Variants in ARMC3 observed in about 807,000 individuals in gnomAD.
ARMC3 encodes armadillo repeat containing 3.
ARMC3 carries 74 observed loss-of-function variants against 90.3 expected under a neutral mutation model. The observed-to-expected ratio is 0.82, with a 90% CI of 0.68 to 0.99. The LOEUF is 0.99. Among genes scored for constraint, ARMC3 ranks in the 50% least tolerant of loss-of-function variants. The probability of loss-of-function intolerance (pLI) is 0.00; values close to 1 mark genes in which losing one functional copy is unlikely to be tolerated. For synonymous variants in ARMC3, 334 were observed against 361.8 expected, an observed-to-expected ratio of 0.92 and a Z score of 0.87; for missense variants, 958 against 1,042.8, an observed-to-expected ratio of 0.92 and a Z score of 1.12.
At chr10:22,947,916 A>G (rs762253710) in intron 3 of ARMC3, among the ~76,000 whole-genome samples, 2 of 151,654 alleles carry the variant, frequency 1.3e-5, no homozygotes, top group African/African-American at 2.4e-5. Flanking sequence ...TTTAGTCTTC[A>G]TATTATTACA....
In ARMC3 at chr10:22,951,929, G is replaced by A. The variant is rs1588833779; in HGVS notation, c.167-3878G>A. On this transcript the variant is annotated intron_variant, in intron 3 of 18. Coordinates refer to ENST00000298032, the MANE Select transcript of ARMC3 (RefSeq NM_173081.5). The stretch of plus-strand genomic sequence containing the variant: ...GCAGATCATGAGGTCAGGAGACTGA[G>A]ACCATACTAGCCAACATGGTGAAAC... Among the ~76,000 whole-genome samples the A allele has an allele frequency of 3.3e-5, 5 of 152,236 alleles. No homozygotes were observed. In the East Asian group the frequency reaches 7.7e-4, roughly 24 times the overall value.
At chr10:22,946,328 C>T in intron 3 of ARMC3, 67 bp downstream of exon 3, 3 of 1,070,266 alleles carry the variant, frequency 2.8e-6, no homozygotes, top group South Asian at 2.8e-5. Flanking sequence ...ACCTCTTGGG[C>T]ACTTTTCTTC....
intron 6 of ARMC3, chr10:22,960,915 C>T (rs926329865): frequency 6.6e-6 from 1 of 152,414 alleles, no homozygotes; most frequent in Non-Finnish European, 1.5e-5. Flanking sequence ...CAAGCTCTCC[C>T]TCTGTTGTCT....
intron 3 of ARMC3, among the ~76,000 whole-genome samples, chr10:22,950,609 G>A (rs1834706759): frequency 6.6e-6 from 1 of 151,932 alleles, no homozygotes; most frequent in Non-Finnish European, 1.5e-5. Flanking sequence ...AAAACGAGAT[G>A]GTGGATTTAA....
intron 16 of ARMC3, among the ~76,000 whole-genome samples, chr10:23,020,723 G>C (rs1838475868): frequency 6.6e-6 from 1 of 151,994 alleles, no homozygotes; most frequent in South Asian, 2.1e-4. Context: ...GTGCTTATTT[G>C]CCATCTTTAT....
chr10:23,008,719 G>A (rs1837763720), intron 15 of ARMC3, 96 bp from the exon 16 acceptor site: 1 of 979,390 alleles, frequency 1.0e-6, no homozygotes, highest in Admixed American at 2.4e-5. Flanking sequence ...ATTGTATAAT[G>A]AAGTAAAAAT....
At position 22,954,576 on chromosome 10, in the gene ARMC3, G is replaced by A. The variant is rs113906763; in HGVS notation, c.167-1231G>A. Among the ~76,000 whole-genome samples, 255 of 151,576 alleles carry A rather than the reference G, an allele frequency of 1.7e-3. 2 individuals carry two copies. Among genetic ancestry groups the A allele is most frequent in the Middle Eastern group, 6.8e-3 (2 of 294 alleles). On this transcript the variant is annotated intron_variant, in intron 3 of 18. Coordinates refer to ENST00000298032, the MANE Select transcript of ARMC3 (RefSeq NM_173081.5). ...AGTCCCAGCTACTCAGAAGACTGAGGTGAGAGAATCGCTTGAGCCGAGGAG... is the reference window on the plus strand; with the variant it reads ...AGTCCCAGCTACTCAGAAGACTGAGATGAGAGAATCGCTTGAGCCGAGGAG...
intron 10 of ARMC3, among the ~76,000 whole-genome samples, chr10:22,984,276 C>T (rs1056388075): frequency 3.3e-5 from 5 of 152,142 alleles, no homozygotes; most frequent in Non-Finnish European, 5.9e-5. Context: ...ATTGGAGGCT[C>T]ATTTCATGCA....
intron 18 of ARMC3, among the ~76,000 whole-genome samples, chr10:23,033,845 G>A (rs1354567197): frequency 1.3e-5 from 2 of 152,106 alleles, no homozygotes; most frequent in African/African-American, 2.4e-5. Context: ...AGAACAAAAC[G>A]ATTTCTGGGC....
At chr10:23,013,493 AATT>A (rs1333253806) in intron 16 of ARMC3, among the ~76,000 whole-genome samples, 2 of 152,162 alleles carry the variant, frequency 1.3e-5, no homozygotes, top group African/African-American at 2.4e-5. Context: ...TTGACAAATG[AATT>A]ATTATGTACA....
chr10:22,976,521 G>C (rs1039489635), intron 8 of ARMC3, among the ~76,000 whole-genome samples: 2 of 152,098 alleles, frequency 1.3e-5, no homozygotes, highest in Non-Finnish European at 2.9e-5. Flanking sequence ...CCTCTCTCCT[G>C]ATTGTTCTTC....
intron 2 of ARMC3, among the ~76,000 whole-genome samples, chr10:22,941,497 A>G (rs1371191997): frequency 1.3e-5 from 2 of 152,204 alleles, no homozygotes; most frequent in African/African-American, 4.8e-5. Flanking sequence ...GAATGTGTCC[A>G]TTCTGTGAGA....
intron 2 of ARMC3, among the ~76,000 whole-genome samples, chr10:22,939,227 T>C (rs910879320): frequency 4.6e-5 from 7 of 152,298 alleles, no homozygotes; most frequent in African/African-American, 1.7e-4. Flanking sequence ...GAGGATTAGG[T>C]GGCTGCAGTT....
rs149385926 is a variant in ARMC3, at chr10:22,953,145, C to T, written c.167-2662C>T. On this transcript the variant is annotated intron_variant, in intron 3 of 18. Coordinates refer to ENST00000298032, the MANE Select transcript of ARMC3 (RefSeq NM_173081.5). ...ATTGGAGAAGACATGATGGTGGACA[C>T]AGAGGTCAGAAGGGCGTGATTTCTG... Among the ~76,000 whole-genome samples, 498 of 152,208 alleles carry T rather than the reference C, an allele frequency of 3.3e-3. 3 individuals carry two copies. Among genetic ancestry groups the T allele is most frequent in the Non-Finnish European group, 5.3e-3 (363 of 68,020 alleles).
intron 10 of ARMC3, among the ~76,000 whole-genome samples, chr10:22,990,630 G>A (rs749891953): frequency 3.3e-5 from 5 of 152,174 alleles, no homozygotes; most frequent in African/African-American, 7.2e-5. Flanking sequence ...TGCAGATGAG[G>A]AAACCAAGGC....
At chr10:23,031,028 A>G (rs1207754371) in intron 17 of ARMC3, 1 of 453,246 alleles carries the variant, frequency 2.2e-6, no homozygotes. Context: ...AATGCCTGTC[A>G]TTTTCTTCAG....
chr10:23,011,131 C>G (rs1206994908), intron 16 of ARMC3, among the ~76,000 whole-genome samples: 3 of 152,004 alleles, frequency 2.0e-5, no homozygotes, highest in Non-Finnish European at 2.9e-5. Flanking sequence ...GGACTAAAAG[C>G]TCCTCAAGAA....
At chr10:23,033,161 GTATA>G (rs1838984896) in intron 18 of ARMC3, 138 bp downstream of exon 18, 2 of 773,904 alleles carry the variant, frequency 2.6e-6, no homozygotes, top group Non-Finnish European at 4.0e-6. Flanking sequence ...ACATATAAGT[GTATA>G]TATACTTATA....
intron 2 of ARMC3, among the ~76,000 whole-genome samples, chr10:22,933,372 G>A (rs542023599): frequency 1.2e-4 from 19 of 152,042 alleles, no homozygotes; most frequent in African/African-American, 3.6e-4. Context: ...TTAGAATTAC[G>A]GGGCTAATAA....
Sources: gnomAD v4.1 joint callset for allele counts (sites outside exome capture counted in the v4.1 genomes callset) on GRCh38, gnomAD v4.1.1 for gene constraint, MANE v1.5 for transcripts, NCBI Gene and HGNC (gene_info 2026-07-23, HGNC 2026-07-21) for gene names.